RBFOX1: variants seen among roughly 807,000 people sequenced by gnomAD.
RBFOX1 encodes RNA binding protein fox-1 homolog 1.
In RBFOX1, 8 loss-of-function variants were observed where a neutral mutation model predicts 57.7. That is an observed-to-expected ratio of 0.14 (90% CI 0.08 to 0.25). The LOEUF (loss-of-function observed/expected upper bound fraction) is 0.25. Among genes scored for constraint, RBFOX1 ranks in the 10% least tolerant of loss-of-function variants. The probability of loss-of-function intolerance (pLI) is 1.00; values close to 1 mark genes in which losing one functional copy is unlikely to be tolerated. For missense variants in RBFOX1, 611 were observed against 548.5 expected (o/e 1.11, Z -1.14); for synonymous variants, 326 against 222.4 (o/e 1.47, Z -4.15).
intron 4 of RBFOX1, among the ~76,000 whole-genome samples, chr16:5,899,812 A>G (rs2058263217): frequency 1.3e-5 from 2 of 152,160 alleles, no homozygotes; most frequent in African/African-American, 4.8e-5. Flanking sequence ...GGTGGCTTAC[A>G]CCTGCAATCG....
chr16:6,802,754 G>A (rs886078763), intron 3 of RBFOX1, among the ~76,000 whole-genome samples: 6 of 152,252 alleles, frequency 3.9e-5, no homozygotes, highest in Admixed American at 2.6e-4. Context: ...ATTCCCCCAC[G>A]TTGTTGTAAG....
intron 1 of RBFOX1, among the ~76,000 whole-genome samples, chr16:5,413,954 T>C (rs934099034): frequency 2.0e-5 from 3 of 152,156 alleles, no homozygotes; most frequent in African/African-American, 7.2e-5. Flanking sequence ...CAAATCCCTT[T>C]TGGTTGCCTG....
intron 3 of RBFOX1, among the ~76,000 whole-genome samples, chr16:5,718,930 GAAT>G (rs2051822419): frequency 1.3e-5 from 2 of 150,334 alleles, no homozygotes; most frequent in African/African-American, 4.9e-5. Flanking sequence ...ATGAATGAAT[GAAT>G]GAATGAACTT....
chr16:5,722,105 C>T (rs78264222), intron 3 of RBFOX1, among the ~76,000 whole-genome samples: 9 of 152,184 alleles, frequency 5.9e-5, no homozygotes, highest in Non-Finnish European at 1.0e-4. Flanking sequence ...AACCAGGTTG[C>T]TCTACTGACA....
intron 4 of RBFOX1, among the ~76,000 whole-genome samples, chr16:7,093,410 C>T (rs550284119): frequency 4.6e-5 from 7 of 152,256 alleles, no homozygotes; most frequent in African/African-American, 1.7e-4. Flanking sequence ...GCATACCCAG[C>T]CCACTTCTTC....
chr16:6,642,495 A>T (rs2098500224), intron 2 of RBFOX1, among the ~76,000 whole-genome samples: 2 of 152,152 alleles, frequency 1.3e-5, no homozygotes, highest in East Asian at 3.9e-4. Context: ...CTGAGCCAGC[A>T]ACCCTCGAGT....
chr16:6,492,554 G>A (rs1349294082), intron 2 of RBFOX1, among the ~76,000 whole-genome samples: 1 of 152,112 alleles, frequency 6.6e-6, no homozygotes, highest in African/African-American at 2.4e-5. Context: ...GGGTGACAGA[G>A]TGAGACTCCA....
At chr16:5,305,644 C>T (rs370272438) in intron 1 of RBFOX1, among the ~76,000 whole-genome samples, 5 of 152,146 alleles carry the variant, frequency 3.3e-5, no homozygotes, top group African/African-American at 1.2e-4. Context: ...ATAAAGTCTG[C>T]TGAAGAAGAA....
chr16:5,701,630 C>T (rs1028183831), intron 3 of RBFOX1, among the ~76,000 whole-genome samples: 13 of 152,240 alleles, frequency 8.5e-5, no homozygotes, highest in Non-Finnish European at 1.6e-4. Context: ...GACAGAGTTT[C>T]GTCATGTTGC....
At chr16:5,651,673 C>T (rs1187056535) in intron 3 of RBFOX1, among the ~76,000 whole-genome samples, 2 of 152,158 alleles carry the variant, frequency 1.3e-5, no homozygotes, top group Non-Finnish European at 2.9e-5. Context: ...TGTGAGTGAG[C>T]CGTTTCAGTC....
chr16:7,162,086 G>A (rs1028580709), intron 4 of RBFOX1, among the ~76,000 whole-genome samples: 1 of 152,190 alleles, frequency 6.6e-6, no homozygotes, highest in Non-Finnish European at 1.5e-5. Context: ...TCCTCACAAG[G>A]GAGTTGGTGT....
At chr16:6,864,692 A>G (rs866215056) in intron 3 of RBFOX1, among the ~76,000 whole-genome samples, 4 of 152,210 alleles carry the variant, frequency 2.6e-5, no homozygotes, top group Middle Eastern at 6.8e-3. Flanking sequence ...AAGCCTTTCA[A>G]TAATGCATGG....
rs147461979 is a variant in RBFOX1 at position 6,106,907 on chromosome 16, G to A, written c.-127+86915G>A. Among the ~76,000 whole-genome samples the A allele has an allele frequency of 7.8e-3, 1,182 of 152,088 alleles. 46 individuals are homozygous for A. The highest frequency in any genetic ancestry group is 0.064 in the Admixed American group (976 of 15,264). On this transcript the variant is annotated intron_variant, in intron 1 of 15. Coordinates refer to ENST00000550418, the MANE Select transcript of RBFOX1 (RefSeq NM_018723.4). ...AGGATGGTCTCAATCTCCTGACCTC[G>A]TGATCTGCCCTCCTTGGCCTCCCAA...
rs537203789 is a variant in RBFOX1, at chr16:7,120,760, T to C, written c.27+68662T>C. On this transcript the variant is annotated intron_variant, in intron 4 of 15. Transcript: ENST00000550418. ...AGAAGTGGAAGATATACTTCTCAAC[T>C]CAATTTATGAGTCTAACATTAATCT... Among the ~76,000 whole-genome samples the C allele has an allele frequency of 2.7e-5, 4 of 147,948 alleles. No homozygotes were observed. The South Asian group carries it at 8.5e-4, about 31-fold the overall frequency.
chr16:7,129,731 G>T (rs932389681), intron 4 of RBFOX1, among the ~76,000 whole-genome samples: 3 of 151,266 alleles, frequency 2.0e-5, no homozygotes, highest in East Asian at 3.9e-4. Flanking sequence ...GGTTGTGTGT[G>T]CTATTTTTAA....
chr16:7,285,359 C>G lies in RBFOX1; in HGVS notation c.28-232788C>G, dbSNP rs186679726. The stretch of plus-strand genomic sequence containing the variant: ...ACCCAGTGATTTTATTCAAATTTCC[C>G]CAATGTTACTTGCATTAATTGTGTG... On this transcript the variant is annotated intron_variant, in intron 4 of 15. Transcript: ENST00000550418. 4.1e-3 allele frequency among the ~76,000 whole-genome samples: 615 copies of G among 151,506 alleles called. 4 individuals are homozygous for G. In the Middle Eastern group the frequency reaches 0.058, roughly 14 times the overall value.
chr16:6,938,915 T>C (rs1016905116), intron 3 of RBFOX1, among the ~76,000 whole-genome samples: 13 of 152,056 alleles, frequency 8.5e-5, no homozygotes, highest in South Asian at 2.1e-4. Context: ...CTGGGTGACA[T>C]AGTGAGAGTC....
intron 1 of RBFOX1, among the ~76,000 whole-genome samples, chr16:5,427,726 C>T (rs1172097236): frequency 3.3e-5 from 5 of 152,190 alleles, no homozygotes; most frequent in Non-Finnish European, 1.5e-5. Context: ...TCCTCTTGCT[C>T]CCGAGAGGTC....
chr16:5,504,346 C>G (rs929375587), intron 2 of RBFOX1, among the ~76,000 whole-genome samples: 6 of 152,350 alleles, frequency 3.9e-5, no homozygotes, highest in African/African-American at 1.4e-4. Context: ...GGACTTGGCT[C>G]TGCAACGCTT....
Sources: gnomAD v4.1 joint callset for allele counts (sites outside exome capture counted in the v4.1 genomes callset) on GRCh38, gnomAD v4.1.1 for gene constraint, MANE v1.5 for transcripts, NCBI Gene and HGNC (gene_info 2026-07-23, HGNC 2026-07-21) for gene names.